CES1: variants seen among roughly 807,000 people sequenced by gnomAD.
CES1 encodes liver carboxylesterase 1.
A neutral mutation model predicts 53.0 loss-of-function variants in CES1; 50 were observed. That is an observed-to-expected ratio of 0.94 (90% confidence interval 0.75 to 1.19). The LOEUF (loss-of-function observed/expected upper bound fraction) is 1.19. Among genes scored for constraint, CES1 ranks in the 50% most tolerant of loss-of-function variants. The pLI, the probability that CES1 is intolerant of heterozygous loss-of-function variation, is 0.00. For missense variants in CES1, 534 were observed against 538.0 expected, an observed-to-expected ratio of 0.99 and a Z score of 0.07; for synonymous variants, 202 against 210.1, an observed-to-expected ratio of 0.96 and a Z score of 0.33.
At chr16:55,817,940 G>C (rs1247695303) in intron 7 of CES1, among the ~76,000 whole-genome samples, 1 of 152,200 alleles carries the variant, frequency 6.6e-6, no homozygotes, top group East Asian at 1.9e-4. Context: ...GCCACATGCA[G>C]AATTGCTGGA....
chr16:55,819,773 G>A, intron 6 of CES1, 134 bp from the exon 7 acceptor site: 1 of 804,596 alleles, frequency 1.2e-6, no homozygotes, highest in Non-Finnish European at 2.2e-6. Context: ...TAGACCCGTG[G>A]GTGTGGGTTC....
intron 7 of CES1, among the ~76,000 whole-genome samples, chr16:55,817,382 C>T (rs543484654): frequency 2.0e-5 from 3 of 152,300 alleles, no homozygotes; most frequent in South Asian, 4.1e-4. Context: ...CCATCAACTC[C>T]TGAGATTTTC....
chr16:55,809,585 A>T (rs1253099381), intron 11 of CES1, among the ~76,000 whole-genome samples: 9 of 152,314 alleles, frequency 5.9e-5, no homozygotes, highest in African/African-American at 2.2e-4. Context: ...GCCTTGGGTC[A>T]GTGGTAGCAG....
chr16:55,815,587 C>T (rs1371765510), intron 8 of CES1, among the ~76,000 whole-genome samples: 2 of 152,158 alleles, frequency 1.3e-5, no homozygotes, highest in Non-Finnish European at 2.9e-5. Context: ...TCCACTCCTC[C>T]CCGTTTCTTA....
chr16:55,821,886 T>C (rs1299323486), intron 4 of CES1, among the ~76,000 whole-genome samples: 1 of 152,028 alleles, frequency 6.6e-6, no homozygotes, highest in Admixed American at 6.6e-5. Context: ...CTGAGGTAAA[T>C]ACAATGGAGT....
intron 8 of CES1, among the ~76,000 whole-genome samples, chr16:55,814,118 G>A (rs1166237070): frequency 4.6e-5 from 7 of 152,186 alleles, no homozygotes; most frequent in South Asian, 2.1e-4. Flanking sequence ...ATTGATCCAC[G>A]GGTGGCTTTG....
At chr16:55,827,528 C>G (rs779705767) in intron 2 of CES1, among the ~76,000 whole-genome samples, 3 of 151,926 alleles carry the variant, frequency 2.0e-5, no homozygotes, top group Non-Finnish European at 4.4e-5. Flanking sequence ...GGAAATCAAA[C>G]AAGAAATATA....
rs776616687 is a variant in CES1, at chr16:55,812,904, A to T, written c.1085T>A (p.Met362Lys). The change falls in exon 9 of 14, where the codon ATG becomes AAG. Residue 362 changes from methionine to lysine, a missense_variant and splice_region_variant. Around this residue, in one of 5 missense-constraint regions of CES1, gnomAD observed 269 missense variants for 206.6 expected, o/e 1.30. Coordinates refer to ENST00000360526, the MANE Select transcript of CES1 (RefSeq NM_001025195.2). The part of the protein sequence containing the change: ...NKQEFGWLIP[M>K]QLMSYPLSEG... ...TCCAACAGACATGTGCCTTCTCACC[A>T]TTGGAATCAACCAGCCAAACTCCTG... is the stretch of plus-strand genomic sequence containing the variant. The T allele has an allele frequency of 6.2e-7, 1 of 1,614,148 alleles. No homozygotes were observed. The highest frequency in any genetic ancestry group is 2.2e-5 in the East Asian group (1 of 44,892).
At chr16:55,808,559 T>G (rs1341437741) in intron 11 of CES1, among the ~76,000 whole-genome samples, 1 of 152,194 alleles carries the variant, frequency 6.6e-6, no homozygotes, top group Non-Finnish European at 1.5e-5. Flanking sequence ...GGAATGCAAT[T>G]TTACAATATT....
At chr16:55,810,282 G>A (rs2031628640) in intron 11 of CES1, among the ~76,000 whole-genome samples, 1 of 151,938 alleles carries the variant, frequency 6.6e-6, no homozygotes, top group South Asian at 2.1e-4. Flanking sequence ...CCTCCCTACT[G>A]CTGTTATCTG....
rs28476609 is a variant in CES1 at position 55,814,938 on chromosome 16, C to A, written c.946-1895G>T. On this transcript the variant is annotated intron_variant, in intron 8 of 13. Coordinates refer to ENST00000360526, the MANE Select transcript of CES1 (RefSeq NM_001025195.2). ...TCCTTAAGAGGCTGTGCAGTTCAGGCAGGGCTGCTGTGGGAGGCCAGCAAG... is the reference window on the plus strand; with the variant it reads ...TCCTTAAGAGGCTGTGCAGTTCAGGAAGGGCTGCTGTGGGAGGCCAGCAAG... Among the ~76,000 whole-genome samples the A allele has an allele frequency of 9.6e-3, 1,467 of 152,334 alleles. 24 individuals carry two copies. The highest frequency in any genetic ancestry group is 0.034 in the African/African-American group (1,411 of 41,568).
In CES1 at chr16:55,821,455, G is replaced by A; in HGVS notation, c.606C>T (p.Val202=). 2 of 1,614,170 alleles carry A rather than the reference G, an allele frequency of 1.2e-6. No individual in the cohort carries two copies. Among genetic ancestry groups the A allele is most frequent in the Non-Finnish European group, 1.7e-6 (2 of 1,180,038 alleles). Residue 202 remains valine (V), a synonymous_variant, in exon 5 of 14, where the codon GTC becomes GTT. Transcript: ENST00000360526. ...HLDQVAALRW[V]QDNIASFGGN... is the part of the protein sequence containing the mutation. ...CTCCAAAGCTGGCAATGTTGTCCTG[G>A]ACCCAGCGCAGGGCAGCCACCTGGT... is the stretch of plus-strand genomic sequence containing the variant.
intron 1 of CES1, among the ~76,000 whole-genome samples, chr16:55,832,085 C>G (rs2032706321): frequency 6.6e-6 from 1 of 152,202 alleles, no homozygotes; most frequent in Non-Finnish European, 1.5e-5. Flanking sequence ...CCCACCTGCC[C>G]TAATCATGCC....
intron 3 of CES1, among the ~76,000 whole-genome samples, chr16:55,825,560 T>C (rs2032383680): frequency 6.6e-6 from 1 of 152,262 alleles, no homozygotes; most frequent in South Asian, 2.1e-4. Flanking sequence ...GAAGAGCTTC[T>C]GGGATTGTCC....
chr16:55,819,556 G>A lies in CES1; in HGVS notation c.885C>T (p.Leu295=). 6.2e-7 allele frequency: 1 copy of A among 1,613,998 alleles called. No homozygotes were observed. The highest frequency in any genetic ancestry group is 8.5e-7 in the Non-Finnish European group (1 of 1,179,886). Residue 295 remains leucine (L), a synonymous_variant, in exon 7 of 14, where the codon CTC becomes CTT. Coordinates refer to ENST00000360526, the MANE Select transcript of CES1 (RefSeq NM_001025195.2). ...CTACCATTTTCAATGTCGTCTCCAA[G>A]AGCTCCTCTTCCGTCTTCTGTCGCA... ...HCLRQKTEEE[L]LETTLKMKFL...
At chr16:55,827,113 C>T (rs1374347590) in intron 2 of CES1, among the ~76,000 whole-genome samples, 4 of 151,992 alleles carry the variant, frequency 2.6e-5, no homozygotes, top group African/African-American at 7.3e-5. Context: ...CCTCAATGTA[C>T]CAAAAGGCAG....
At chr16:55,819,331 C>T (rs1425450084) in intron 7 of CES1, among the ~76,000 whole-genome samples, 2 of 152,194 alleles carry the variant, frequency 1.3e-5, no homozygotes, top group East Asian at 3.8e-4. Flanking sequence ...GATTGTTACA[C>T]AATTTTTTAT....
Position 55,811,027 on chromosome 16 carries a change from G to C in CES1, c.1087-17C>G, listed in dbSNP as rs1295057790. 1 of 1,434,742 alleles carries C rather than the reference G, an allele frequency of 7.0e-7. No individual in the cohort carries two copies. Among genetic ancestry groups the C allele is most frequent in the East Asian group, 2.3e-5 (1 of 43,416 alleles). 88.9% of individuals were successfully genotyped at this position (1,434,742 alleles called of 1,614,324 possible). On this transcript the variant is annotated splice_polypyrimidine_tract_variant and intron_variant, in intron 9 of 13. Transcript: ENST00000360526. ...CATCAACTGCTAAAAAAAAAAAAAA[G>C]TTCAGCATTTATGAATCATTGGGAA...
intron 9 of CES1, among the ~76,000 whole-genome samples, chr16:55,812,680 A>G (rs1164110109): frequency 1.3e-5 from 2 of 152,084 alleles, no homozygotes; most frequent in African/African-American, 4.8e-5. Flanking sequence ...CTTCAATAGG[A>G]AGACAATAAG....
Sources: allele counts gnomAD v4.1 joint callset (sites outside exome capture counted in the v4.1 genomes callset), GRCh38; gene constraint gnomAD v4.1.1; regional missense constraint gnomAD v4.1.1; transcripts MANE v1.5; gene names NCBI Gene and HGNC (gene_info 2026-07-23, HGNC 2026-07-21).